The following NUP93 variants were observed in gnomAD, a reference collection of about 807,000 sequenced individuals.
NUP93 encodes the protein nuclear pore complex protein Nup93.
Under a neutral mutation model 107.8 loss-of-function variants are expected in NUP93, and 55 were observed. The ratio of observed to expected loss-of-function variants is 0.51; its 90% CI spans 0.41 to 0.64. The LOEUF (loss-of-function observed/expected upper bound fraction) is 0.64. Among genes scored for constraint, NUP93 ranks in the 30% least tolerant of loss-of-function variants. The probability of loss-of-function intolerance (pLI) is 0.00; values close to 1 mark genes in which losing one functional copy is unlikely to be tolerated. For missense variants in NUP93, 937 were observed against 1,044.7 expected (o/e 0.90, Z 1.42); for synonymous variants, 390 against 397.5 (o/e 0.98, Z 0.22).
chr16:56,764,669 G>T (rs187587728), intron 3 of NUP93, among the ~76,000 whole-genome samples: 7 of 152,182 alleles, frequency 4.6e-5, no homozygotes, highest in African/African-American at 9.7e-5. Flanking sequence ...GCAAGTAGTT[G>T]GTTGGGAACA....
intron 1 of NUP93, among the ~76,000 whole-genome samples, chr16:56,746,760 C>T (rs2144453354): frequency 6.6e-6 from 1 of 152,234 alleles, no homozygotes; most frequent in African/African-American, 2.4e-5. Context: ...GTAGTGTCAC[C>T]CCGGCTGGGT....
At chr16:56,813,867 A>G (rs1208256069) in intron 5 of NUP93, among the ~76,000 whole-genome samples, 2 of 152,148 alleles carry the variant, frequency 1.3e-5, no homozygotes, top group Non-Finnish European at 2.9e-5. Flanking sequence ...TGTGTGGCCC[A>G]AGTATTCCTC....
At chr16:56,808,204 A>T (rs188333476) in intron 5 of NUP93, among the ~76,000 whole-genome samples, 8,776 of 52,916 alleles carry the variant, frequency 0.17, 61 homozygotes, top group Non-Finnish European at 0.22. Context: ...AACTATATAA[A>T]ATATATAGTT....
At chr16:56,756,710 A>G (rs546280463) in intron 2 of NUP93, among the ~76,000 whole-genome samples, 99 of 152,272 alleles carry the variant, frequency 6.5e-4, no homozygotes, top group Non-Finnish European at 1.2e-3. Flanking sequence ...TCCCTGAGGA[A>G]TTGCTACACT....
intron 18 of NUP93, 101 bp from the exon 19 acceptor site, chr16:56,838,851 G>T (rs146398303): frequency 2.4e-6 from 2 of 819,116 alleles, no homozygotes; most frequent in South Asian, 1.6e-5. Context: ...AGGCATGAGC[G>T]ACCACACCCC....
chr16:56,752,359 A>G (rs1198354897), intron 2 of NUP93, among the ~76,000 whole-genome samples: 21 of 152,332 alleles, frequency 1.4e-4, no homozygotes, highest in Non-Finnish European at 2.4e-4. Flanking sequence ...GTAGGTGACT[A>G]GTGGAATAAT....
At position 56,839,000 on chromosome 16, in the gene NUP93, C is replaced by G. The variant is rs771357525; in HGVS notation, c.2067C>G (p.Phe689Leu). The part of the protein sequence containing the change: ...ISANKFVDST[F>L]YLLLDLITFF... ...CAAATAAATTTGTGGACTCCACGTTCTATCTTCTTTTGGACTTGATCACCT... is the reference window on the plus strand; with the variant it reads ...CAAATAAATTTGTGGACTCCACGTTGTATCTTCTTTTGGACTTGATCACCT... Residue 689 changes from phenylalanine (F) to leucine (L), a missense_variant, in exon 19 of 22, where the codon TTC becomes TTG. Coordinates refer to ENST00000308159, the MANE Select transcript of NUP93 (RefSeq NM_014669.5). The G allele has an allele frequency of 1.2e-6, 2 of 1,613,992 alleles. No homozygotes were observed. The highest frequency in any genetic ancestry group is 2.7e-5 in the African/African-American group (2 of 74,906).
At chr16:56,800,764 A>C (rs1334386299) in intron 4 of NUP93, among the ~76,000 whole-genome samples, 1 of 152,244 alleles carries the variant, frequency 6.6e-6, no homozygotes. Flanking sequence ...CATTTGGTAC[A>C]TCCAGGCAAA....
chr16:56,775,736 C>T (rs1314900514), intron 3 of NUP93, among the ~76,000 whole-genome samples: 1 of 152,158 alleles, frequency 6.6e-6, no homozygotes, highest in East Asian at 1.9e-4. Context: ...ATTGCAGATC[C>T]TTGTGCCCCT....
chr16:56,824,300 T>TA (rs1417969466), intron 8 of NUP93, among the ~76,000 whole-genome samples: 1 of 149,626 alleles, frequency 6.7e-6, no homozygotes, highest in Non-Finnish European at 1.5e-5. Context: ...TTAATTCCCA[T>TA]AAGTCAGGGT....
rs937839410 is a variant in NUP93, at chr16:56,805,546, G to T, written c.403G>T (p.Val135Phe). 6.2e-6 allele frequency: 10 copies of T among 1,614,068 alleles called. No homozygotes were observed. Among genetic ancestry groups the T allele is most frequent in the Non-Finnish European group, 6.8e-6 (8 of 1,180,002 alleles). Residue 135 changes from valine to phenylalanine, a missense_variant, in exon 5 of 22, where the codon GTT becomes TTT. By Grantham distance (50) the Val-to-Phe change is conservative. Transcript: ENST00000308159. ...GGAGTACCATCGGGAGTCAATGTTG[G>T]TTGAGTGGGAGCAAGTGAAACAGCG... ...AEEYHRESML[V>F]EWEQVKQRIL...
chr16:56,815,865 A>ACTGCTGCTGCTG (rs59958027), intron 5 of NUP93, among the ~76,000 whole-genome samples: 2,215 of 147,054 alleles, frequency 0.015, 30 homozygotes, highest in South Asian at 0.026. Context: ...TACTACTGCT[A>ACTGCTGCTGCTG]CTGCTGCTGC....
chr16:56,768,527 C>T (rs1567381253), intron 3 of NUP93, among the ~76,000 whole-genome samples: 1 of 150,856 alleles, frequency 6.6e-6, no homozygotes, highest in African/African-American at 2.4e-5. Context: ...CACGCCATTG[C>T]ACTCCAGCCT....
In NUP93 at chr16:56,793,478, G is replaced by A. The variant is rs1349581610; in HGVS notation, c.298-4998G>A. Among the ~76,000 whole-genome samples, 5 of 152,186 alleles carry A rather than the reference G, an allele frequency of 3.3e-5. No individual in the cohort carries two copies. The East Asian group carries it at 9.6e-4, about 29-fold the overall frequency. On this transcript the variant is annotated intron_variant, in intron 3 of 21. Transcript: ENST00000308159. ...ACCCACGGGGCATCTCAGTGGCAGG[G>A]AGCCAGTTCATCCTTCACGTTCCAG...
intron 5 of NUP93, among the ~76,000 whole-genome samples, chr16:56,809,767 A>G (rs1963273377): frequency 6.6e-6 from 1 of 152,210 alleles, no homozygotes; most frequent in Non-Finnish European, 1.5e-5. Flanking sequence ...TTATTAAACT[A>G]GCCCCCAAAT....
At chr16:56,843,621 C>T (rs1293766109) in intron 21 of NUP93, among the ~76,000 whole-genome samples, 2 of 152,176 alleles carry the variant, frequency 1.3e-5, no homozygotes, top group Non-Finnish European at 2.9e-5. Context: ...TTAACGAGAG[C>T]CCTTTTATTC....
rs1555495759 is a variant in NUP93, at chr16:56,815,899, G to GCTGCTGC, written c.490-2765_490-2764insCTGCTGC. On this transcript the variant is annotated intron_variant, in intron 5 of 21. Coordinates refer to ENST00000308159, the MANE Select transcript of NUP93 (RefSeq NM_014669.5). ...GCTGCTGCTGCTGCTGCTGCTGCTG[G>GCTGCTGC]TGCTGCTGCTGCTGCTGGTGCTGCT... is the stretch of plus-strand genomic sequence containing the variant. Among the ~76,000 whole-genome samples, 791 of 95,984 alleles carry GCTGCTGC rather than the reference G, an allele frequency of 8.2e-3. 7 individuals carry two copies. Among genetic ancestry groups the GCTGCTGC allele is most frequent in the African/African-American group, 0.03 (747 of 24,704 alleles). 63.0% of individuals were successfully genotyped at this position (95,984 alleles called of 152,430 possible). A position where few individuals can be genotyped will look rare whatever the true frequency, so the allele number is the denominator to read the frequency against.
intron 1 of NUP93, among the ~76,000 whole-genome samples, chr16:56,733,165 G>A (rs1340923879): frequency 6.6e-6 from 1 of 152,178 alleles, no homozygotes; most frequent in Non-Finnish European, 1.5e-5. Context: ...TATATAATTG[G>A]GGGAAGGCAG....
At chr16:56,829,716 G>A (rs578215201) in intron 9 of NUP93, among the ~76,000 whole-genome samples, 1 of 152,172 alleles carries the variant, frequency 6.6e-6, no homozygotes, top group African/African-American at 2.4e-5. Flanking sequence ...AGAGAGTATC[G>A]GGAGGACTGG....
Sources: allele counts gnomAD v4.1 joint callset (sites outside exome capture counted in the v4.1 genomes callset), GRCh38; gene constraint gnomAD v4.1.1; transcripts MANE v1.5; gene names NCBI Gene and HGNC (gene_info 2026-07-23, HGNC 2026-07-21).